Variants in KLF13 observed in about 807,000 individuals in gnomAD.
KLF13 encodes the protein Krueppel-like factor 13.
A neutral mutation model predicts 16.7 loss-of-function variants in KLF13; 8 were observed. The ratio of observed to expected loss-of-function variants is 0.48; its 90% confidence interval spans 0.28 to 0.87. KLF13 has a LOEUF of 0.87. Ranked by LOEUF, KLF13 falls within the 40% of genes least tolerant of loss-of-function variation. The probability of loss-of-function intolerance (pLI) is 0.10; values close to 1 mark genes in which losing one functional copy is unlikely to be tolerated. For missense variants in KLF13, 447 were observed against 452.2 expected (o/e 0.99, Z 0.10); for synonymous variants, 245 against 208.4 (o/e 1.18, Z -1.51).
chr15:31,362,470 C>G (rs1466840552), intron 1 of KLF13, among the ~76,000 whole-genome samples: 1 of 152,158 alleles, frequency 6.6e-6, no homozygotes, highest in Non-Finnish European at 1.5e-5. Context: ...TTTAAGAGAG[C>G]TCTTGGGGTA....
Position 31,376,612 on chromosome 15 carries a change from G to A in KLF13, c.*4313G>A, listed in dbSNP as rs1274423259. 6.6e-6 allele frequency: 1 copy of A among 152,652 alleles called. No homozygotes were observed. The highest frequency in any genetic ancestry group is 2.4e-5 in the African/African-American group (1 of 41,446). 9.5% of individuals were successfully genotyped at this position (152,652 alleles called of 1,614,324 possible). ...TCTGAGGCTCTGAAGGCTTGTCTGA[G>A]ACACATTCCGGAGACCTTTGTACCA... On this transcript the variant is annotated 3_prime_UTR_variant, in exon 2 of 2. Transcript: ENST00000307145.
intron 1 of KLF13, chr15:31,420,723 T>C (rs12101667): frequency 0.075 from 21,198 of 282,164 alleles, 3,506 homozygotes; most frequent in African/African-American, 0.39. Context: ...GATGGAGTCT[T>C]GCTCTGTTGC....
intron 1 of KLF13, among the ~76,000 whole-genome samples, chr15:31,343,844 A>G (rs1414659625): frequency 6.6e-6 from 1 of 152,138 alleles, no homozygotes. Context: ...GCTCTGGTGC[A>G]CGAATTAACC....
intron 1 of KLF13, 84 bp downstream of exon 1, chr15:31,327,873 G>A: frequency 1.7e-6 from 2 of 1,196,486 alleles, no homozygotes; most frequent in African/African-American, 1.6e-5. Context: ...TCCCCGATGG[G>A]GCGCGAGGTG....
In KLF13 at chr15:31,337,745, C is replaced by T. The variant is rs116901278; in HGVS notation, c.577+9956C>T. ...AAAAGGTACAATTAAAATGGGGTGTCGTCTTATGGGACCAGCCTCTCGTCC... is the reference window on the plus strand; with the variant it reads ...AAAAGGTACAATTAAAATGGGGTGTTGTCTTATGGGACCAGCCTCTCGTCC... On this transcript the variant is annotated intron_variant, in intron 1 of 1. Transcript: ENST00000307145. Among the ~76,000 whole-genome samples, 71 of 152,220 alleles carry T rather than the reference C, an allele frequency of 4.7e-4. No individual in the cohort carries two copies. The East Asian group carries it at 8.7e-3, about 19-fold the overall frequency.
At chr15:31,341,156 C>G (rs2039015545) in intron 1 of KLF13, among the ~76,000 whole-genome samples, 1 of 152,202 alleles carries the variant, frequency 6.6e-6, no homozygotes, top group African/African-American at 2.4e-5. Context: ...GCCTTCTTGT[C>G]TGTTGGTTCT....
At chr15:31,334,282 G>A (rs1166601561) in intron 1 of KLF13, among the ~76,000 whole-genome samples, 6 of 152,212 alleles carry the variant, frequency 3.9e-5, no homozygotes, top group Non-Finnish European at 7.3e-5. Flanking sequence ...TGCCGGCCCT[G>A]TGGCCACAGG....
chr15:31,406,372 G>A (rs1595504174), downstream of KLF13, among the ~76,000 whole-genome samples: 1 of 152,230 alleles, frequency 6.6e-6, no homozygotes, highest in Non-Finnish European at 1.5e-5. Context: ...AGCTACTTGG[G>A]AGGCTGAGGC....
At chr15:31,381,113 A>C (rs1357766032), downstream of KLF13, among the ~76,000 whole-genome samples, 2 of 149,020 alleles carry the variant, frequency 1.3e-5, no homozygotes, top group Non-Finnish European at 1.5e-5. Context: ...TGGAAGTTGC[A>C]GTGAGCGAAG....
chr15:31,327,316 C>A lies in KLF13; in HGVS notation c.104C>A (p.Pro35His), dbSNP rs1333470825. The A allele has an allele frequency of 1.6e-6, 2 of 1,288,200 alleles. No homozygotes were observed. Among genetic ancestry groups the A allele is most frequent in the Non-Finnish European group, 2.0e-6 (2 of 1,022,080 alleles). The allele number at this position is 1,288,200 out of a possible 1,614,324, so 79.8% of individuals were successfully genotyped here. Residue 35 changes from proline (P) to histidine (H), a missense_variant, in exon 1 of 2, where the codon CCC becomes CAC. Coordinates refer to ENST00000307145, the MANE Select transcript of KLF13 (RefSeq NM_015995.4). ...HGPREGPESR[P>H]EGAAVAATPT... ...CCGCGGGAGGGGCCGGAGTCCCGGC[C>A]CGAGGGCGCGGCCGTGGCCGCCACC...
At chr15:31,340,953 G>C (rs1355380444) in intron 1 of KLF13, among the ~76,000 whole-genome samples, 1 of 152,234 alleles carries the variant, frequency 6.6e-6, no homozygotes, top group African/African-American at 2.4e-5. Flanking sequence ...GAGCACACTT[G>C]GGAGTTTCAC....
At chr15:31,414,525 G>T (rs1224733211) in intron 1 of KLF13, among the ~76,000 whole-genome samples, 1 of 152,038 alleles carries the variant, frequency 6.6e-6, no homozygotes, top group Admixed American at 6.6e-5. Context: ...GTAAAAAGAT[G>T]GAAAAAGATA....
chr15:31,423,165 GTATATATATACATATATACGT>G (rs2040362942), intron 1 of KLF13, among the ~76,000 whole-genome samples: 1 of 104,440 alleles, frequency 9.6e-6, no homozygotes, highest in Non-Finnish European at 1.8e-5. Context: ...GTATATATAT[GTATATATATACATATATACGT>G]ATATATATAT....
intron 1 of KLF13, among the ~76,000 whole-genome samples, chr15:31,417,589 T>G (rs2040269993): frequency 6.6e-6 from 1 of 152,006 alleles, no homozygotes; most frequent in African/African-American, 2.4e-5. Context: ...TTGCCCAGGC[T>G]GGAGTGCAAT....
At chr15:31,435,139 G>T (rs753115108) in intron 1 of KLF13, among the ~76,000 whole-genome samples, 2 of 152,126 alleles carry the variant, frequency 1.3e-5, no homozygotes, top group Non-Finnish European at 2.9e-5. Flanking sequence ...TTTAAGTTTT[G>T]TCTATGTTTT....
chr15:31,356,281 C>T (rs376742826), intron 1 of KLF13, among the ~76,000 whole-genome samples: 5 of 152,262 alleles, frequency 3.3e-5, no homozygotes, highest in East Asian at 1.9e-4. Flanking sequence ...TGGCCGGGCG[C>T]GGTGGCTCAC....
chr15:31,343,690 C>T (rs1484521755), intron 1 of KLF13, among the ~76,000 whole-genome samples: 1 of 152,164 alleles, frequency 6.6e-6, no homozygotes, highest in Non-Finnish European at 1.5e-5. Context: ...CTTAAACTGC[C>T]TGTTGTTGTT....
At chr15:31,430,904 A>T (rs1206305941) in intron 1 of KLF13, among the ~76,000 whole-genome samples, 1 of 152,172 alleles carries the variant, frequency 6.6e-6, no homozygotes, top group Non-Finnish European at 1.5e-5. Context: ...TTGGAGGAGG[A>T]TGTAACAGTA....
intron 2 of KLF13, among the ~76,000 whole-genome samples, chr15:31,398,337 G>T (rs1278866856): frequency 1.3e-5 from 2 of 152,162 alleles, no homozygotes; most frequent in Admixed American, 6.5e-5. Context: ...CGGCAGCACT[G>T]ACGAGTTTAG....
Sources: allele counts gnomAD v4.1 joint callset (sites outside exome capture counted in the v4.1 genomes callset), GRCh38; gene constraint gnomAD v4.1.1; transcripts MANE v1.5; gene names NCBI Gene and HGNC (gene_info 2026-07-23, HGNC 2026-07-21).